The following LRRC7 variants were observed in gnomAD, a reference collection of about 807,000 sequenced individuals.
The protein encoded by LRRC7 is leucine-rich repeat-containing protein 7.
Under a neutral mutation model 175.7 loss-of-function variants are expected in LRRC7, and 23 were observed. The observed-to-expected ratio is 0.13, with a 90% CI of 0.09 to 0.19. The LOEUF (loss-of-function observed/expected upper bound fraction) is 0.19. Ranked by LOEUF, LRRC7 falls within the 10% of genes least tolerant of loss-of-function variation. The pLI, the probability that LRRC7 is intolerant of heterozygous loss-of-function variation, is 1.00. For synonymous variants in LRRC7, 685 were observed against 680.9 expected (o/e 1.01, Z -0.09); for missense variants, 1,354 against 1,904.7 (o/e 0.71, Z 5.38).
chr1:69,629,717 T>C (rs1237665050), intron 1 of LRRC7, among the ~76,000 whole-genome samples: 1 of 152,222 alleles, frequency 6.6e-6, no homozygotes, highest in African/African-American at 2.4e-5. Flanking sequence ...TCTTAATTAC[T>C]GTCATGTTCT....
At chr1:69,995,701 A>G (rs969507688) in intron 11 of LRRC7, among the ~76,000 whole-genome samples, 3 of 151,974 alleles carry the variant, frequency 2.0e-5, no homozygotes, top group Admixed American at 6.6e-5. Context: ...ATGATTTCCA[A>G]TTTCATCCAT....
At chr1:69,571,415 T>C (rs562361391) in intron 1 of LRRC7, among the ~76,000 whole-genome samples, 1 of 152,324 alleles carries the variant, frequency 6.6e-6, no homozygotes, top group East Asian at 1.9e-4. Context: ...CTTAAAGTGT[T>C]TTTGTGCATC....
intron 8 of LRRC7, among the ~76,000 whole-genome samples, chr1:69,935,745 A>G (rs1647944109): frequency 6.6e-6 from 1 of 152,122 alleles, no homozygotes; most frequent in African/African-American, 2.4e-5. Context: ...AGGTACTACA[A>G]TTATTTCTTT....
chr1:69,627,455 C>A (rs1286816477), intron 1 of LRRC7, among the ~76,000 whole-genome samples: 9 of 152,060 alleles, frequency 5.9e-5, no homozygotes, highest in African/African-American at 2.2e-4. Flanking sequence ...TTTAAGTTCT[C>A]TATAGATTCT....
intron 2 of LRRC7, among the ~76,000 whole-genome samples, chr1:69,685,911 A>T (rs1398702316): frequency 6.6e-6 from 1 of 151,964 alleles, no homozygotes; most frequent in Non-Finnish European, 1.5e-5. Flanking sequence ...AAAAAAAAAA[A>T]TCCACAACAG....
intron 8 of LRRC7, among the ~76,000 whole-genome samples, chr1:69,962,996 A>G (rs912536571): frequency 6.6e-6 from 1 of 152,016 alleles, no homozygotes; most frequent in Non-Finnish European, 1.5e-5. Flanking sequence ...AAAGTTTTTA[A>G]AAAAAAACAA....
chr1:70,106,686 C>T (rs562038328), intron 25 of LRRC7, among the ~76,000 whole-genome samples: 1 of 152,294 alleles, frequency 6.6e-6, no homozygotes, highest in African/African-American at 2.4e-5. Context: ...CTCTGCTGCG[C>T]TCCCAATCCC....
chr1:69,697,425 A>G (rs186015024), intron 2 of LRRC7, among the ~76,000 whole-genome samples: 7 of 152,328 alleles, frequency 4.6e-5, no homozygotes, highest in African/African-American at 1.7e-4. Context: ...AAGCACTTGC[A>G]ACTACTTTTC....
At chr1:69,919,408 C>T (rs1646813950) in intron 7 of LRRC7, 2 of 720,696 alleles carry the variant, frequency 2.8e-6, no homozygotes, top group Non-Finnish European at 4.7e-6. Flanking sequence ...CATGAGCCGC[C>T]CCTCAGGCCG....
chr1:69,734,820 C>G (rs1667938645), intron 2 of LRRC7, among the ~76,000 whole-genome samples: 1 of 151,778 alleles, frequency 6.6e-6, no homozygotes, highest in African/African-American at 2.4e-5. Flanking sequence ...ATTTTTTACT[C>G]CAATTTTAGT....
rs144654091 is a variant in LRRC7, at chr1:70,036,144, T to A, written c.2019T>A (p.Asn673Lys). Reference sequence around the variant, plus strand: ...AGGATTCTTTTGTTCATCCAGCTAATGAAATGAGGATTGGGGAACTTCACC... The same window carrying A: ...AGGATTCTTTTGTTCATCCAGCTAAAGAAATGAGGATTGGGGAACTTCACC... ...TVEDSFVHPA[N>K]EMRIGELHPS... is the part of the protein sequence containing the mutation. Residue 673 changes from asparagine (N) to lysine (K), a missense_variant, in exon 19 of 27, where the codon AAT becomes AAA. This residue lies in a region of LRRC7 where 1,032 missense variants were observed against 1,227.2 expected (regional missense o/e 0.84). Transcript: ENST00000651989. 4 of 1,612,008 alleles carry A rather than the reference T, an allele frequency of 2.5e-6. No individual in the cohort carries two copies. Among genetic ancestry groups the A allele is most frequent in the Non-Finnish European group, 3.4e-6 (4 of 1,179,148 alleles).
intron 13 of LRRC7, chr1:70,014,001 C>G (rs1038645210): frequency 6.6e-6 from 1 of 151,894 alleles, no homozygotes; most frequent in Non-Finnish European, 1.5e-5. Flanking sequence ...TAATAATATT[C>G]CCACATAAGG....
At chr1:69,738,916 C>G (rs900311413) in intron 2 of LRRC7, among the ~76,000 whole-genome samples, 1 of 151,980 alleles carries the variant, frequency 6.6e-6, no homozygotes, top group Non-Finnish European at 1.5e-5. Flanking sequence ...CAAACAGGAC[C>G]TAGAAAAAGA....
intron 8 of LRRC7, among the ~76,000 whole-genome samples, chr1:69,952,258 G>T (rs1184937861): frequency 6.6e-6 from 1 of 151,984 alleles, no homozygotes; most frequent in South Asian, 2.1e-4. Flanking sequence ...TGGTTCACCA[G>T]TATATTCTAG....
intron 14 of LRRC7, 80 bp downstream of exon 14, chr1:70,016,614 A>G: frequency 9.1e-7 from 1 of 1,098,184 alleles, no homozygotes; most frequent in Non-Finnish European, 1.3e-6. Flanking sequence ...TTCCCAATAG[A>G]TACCTTTGAC....
intron 1 of LRRC7, among the ~76,000 whole-genome samples, chr1:69,627,895 G>A (rs1570037203): frequency 6.8e-6 from 1 of 146,964 alleles, no homozygotes; most frequent in South Asian, 2.3e-4. Flanking sequence ...TGCTCTAAAA[G>A]CTTAACCAAT....
chr1:69,942,051 C>A (rs1445119233), intron 8 of LRRC7, among the ~76,000 whole-genome samples: 1 of 152,078 alleles, frequency 6.6e-6, no homozygotes, highest in Non-Finnish European at 1.5e-5. Context: ...GTGCCAGGAA[C>A]CAAAGAACAG....
intron 26 of LRRC7, among the ~76,000 whole-genome samples, chr1:70,110,298 T>A (rs1431714349): frequency 6.6e-6 from 1 of 152,142 alleles, no homozygotes; most frequent in Admixed American, 6.5e-5. Context: ...GAGAAGTGCT[T>A]GAGCCCAGGA....
At chr1:69,570,023 C>CAGTGGTAA (rs1304404297) in intron 1 of LRRC7, among the ~76,000 whole-genome samples, 7 of 151,726 alleles carry the variant, frequency 4.6e-5, no homozygotes, top group Admixed American at 1.3e-4. Context: ...AATTTACCTG[C>CAGTGGTAA]AGTGGTAACT....
Sources: allele counts gnomAD v4.1 joint callset (sites outside exome capture counted in the v4.1 genomes callset), GRCh38; gene constraint gnomAD v4.1.1; regional missense constraint gnomAD v4.1.1; transcripts MANE v1.5; gene names NCBI Gene and HGNC (gene_info 2026-07-23, HGNC 2026-07-21).